WDFY1: variants seen among roughly 807,000 people sequenced by gnomAD.
WDFY1 encodes the protein WD repeat and FYVE domain containing 1, also known as WD repeat and FYVE domain-containing protein 1.
WDFY1 carries 32 observed loss-of-function variants against 56.4 expected under a neutral mutation model. The ratio of observed to expected loss-of-function variants is 0.57; its 90% CI spans 0.43 to 0.76. The LOEUF (loss-of-function observed/expected upper bound fraction) is 0.76. Among genes scored for constraint, WDFY1 ranks in the 30% least tolerant of loss-of-function variants. The pLI, the probability that WDFY1 is intolerant of heterozygous loss-of-function variation, is 0.00. For synonymous variants in WDFY1, 192 were observed against 197.3 expected, an observed-to-expected ratio of 0.97 and a Z score of 0.23; for missense variants, 480 against 545.7, an observed-to-expected ratio of 0.88 and a Z score of 1.20.
In WDFY1 at chr2:223,906,183, T is replaced by C. The variant is rs16865332; in HGVS notation, c.280-182A>G. 6.1e-3 allele frequency among the ~76,000 whole-genome samples: 934 copies of C among 152,338 alleles called. 9 individuals carry two copies. Among genetic ancestry groups the C allele is most frequent in the African/African-American group, 0.022 (897 of 41,588 alleles). ...CACCAGACCTGTCCTCAGGCCAACA[T>C]TGTTTGGGAGAACAGACCGAATTGA... On this transcript the variant is annotated intron_variant, in intron 3 of 11. Coordinates refer to ENST00000233055, the MANE Select transcript of WDFY1 (RefSeq NM_020830.5).
intron 1 of WDFY1, among the ~76,000 whole-genome samples, chr2:223,923,787 G>A (rs907059752): frequency 5.3e-5 from 8 of 152,006 alleles, no homozygotes; most frequent in South Asian, 4.1e-4. Context: ...TAAATAAACC[G>A]TCTAATCACT....
chr2:223,913,969 G>A (rs1693746328), intron 2 of WDFY1, among the ~76,000 whole-genome samples: 1 of 144,596 alleles, frequency 6.9e-6, no homozygotes, highest in Non-Finnish European at 1.5e-5. Context: ...AAGCAAAATA[G>A]GAATCATCTT....
intron 1 of WDFY1, among the ~76,000 whole-genome samples, chr2:223,941,827 C>T (rs1322606652): frequency 2.0e-5 from 3 of 152,192 alleles, no homozygotes; most frequent in East Asian, 3.8e-4. Flanking sequence ...GAACGTGACA[C>T]GTATTTATGA....
At chr2:223,939,761 C>A (rs542149666) in intron 1 of WDFY1, among the ~76,000 whole-genome samples, 1 of 152,192 alleles carries the variant, frequency 6.6e-6, no homozygotes, top group South Asian at 2.1e-4. Context: ...ATTATGGGAG[C>A]TACAATTCAA....
In WDFY1 at chr2:223,901,321, CG is replaced by C. The variant is rs777513978; in HGVS notation, c.346del (p.Arg116GlyfsTer14). On this transcript the variant is annotated frameshift_variant, in exon 5 of 12. Transcript: ENST00000233055. LOFTEE classifies it high-confidence loss of function. Reference protein sequence around the residue: ...FIKTYPAHQNRVSAIIFSLAT... With the variant: ...FIKTYPAHQNXVSAIIFSLAT... ...CAAGCTGAAGATAATCGCAGACACC[CG>C]GTTCTGATGAGCTGCAGGAACAGAA... The C allele has an allele frequency of 4.3e-6, 7 of 1,614,086 alleles. No individual in the cohort carries two copies. The highest frequency in any genetic ancestry group is 8.5e-7 in the Non-Finnish European group (1 of 1,179,980).
intron 3 of WDFY1, among the ~76,000 whole-genome samples, chr2:223,907,853 AT>A (rs933565405): frequency 1.2e-3 from 106 of 87,388 alleles, no homozygotes; most frequent in Middle Eastern, 0.012. Flanking sequence ...TGCTGCTGCT[AT>A]TTTTTTTTTT....
At chr2:223,889,628 C>T (rs1050249081) in intron 8 of WDFY1, among the ~76,000 whole-genome samples, 7 of 152,176 alleles carry the variant, frequency 4.6e-5, no homozygotes, top group Non-Finnish European at 7.4e-5. Flanking sequence ...ATGATTGTGA[C>T]GCCTCCCCAG....
chr2:223,933,961 CAA>C (rs368902455), intron 1 of WDFY1, among the ~76,000 whole-genome samples: 7 of 51,008 alleles, frequency 1.4e-4, no homozygotes, highest in Admixed American at 3.1e-4. Flanking sequence ...GACCCTGCCT[CAA>C]AAAAAAAAAA....
chr2:223,882,194 A>G, intron 9 of WDFY1, 122 bp from the exon 10 acceptor site: 1 of 1,287,254 alleles, frequency 7.8e-7, no homozygotes, highest in Non-Finnish European at 1.0e-6. Flanking sequence ...GGCTCACTGC[A>G]ACCTCTGGCG....
intron 1 of WDFY1, among the ~76,000 whole-genome samples, chr2:223,927,821 T>C (rs769486655): frequency 1.3e-5 from 2 of 152,192 alleles, no homozygotes; most frequent in Non-Finnish European, 2.9e-5. Flanking sequence ...GTTAGAGATA[T>C]GTGACTCTTC....
chr2:223,881,363 T>A (rs1693067741), intron 10 of WDFY1, among the ~76,000 whole-genome samples: 1 of 152,178 alleles, frequency 6.6e-6, no homozygotes. Context: ...GCTCAGGGTA[T>A]CCACTCAGTT....
chr2:223,895,737 C>T, intron 6 of WDFY1, 107 bp from the exon 7 acceptor site: 1 of 1,483,832 alleles, frequency 6.7e-7, no homozygotes, highest in South Asian at 1.3e-5. Flanking sequence ...CTAGGAGCAG[C>T]TGAGTCTTTA....
intron 3 of WDFY1, among the ~76,000 whole-genome samples, chr2:223,910,149 G>T (rs1445652428): frequency 6.7e-6 from 1 of 148,650 alleles, no homozygotes; most frequent in Non-Finnish European, 1.5e-5. Flanking sequence ...AAACTTAAAT[G>T]GGGGAAAAAA....
At chr2:223,937,948 A>G (rs1689226538) in intron 1 of WDFY1, among the ~76,000 whole-genome samples, 1 of 152,260 alleles carries the variant, frequency 6.6e-6, no homozygotes, top group Non-Finnish European at 1.5e-5. Context: ...CTATGTGAAC[A>G]ATTGGTAAAT....
At chr2:223,943,172 A>G in intron 1 of WDFY1, among the ~76,000 whole-genome samples, 1 of 129,268 alleles carries the variant, frequency 7.7e-6, no homozygotes, top group South Asian at 3.1e-4. Context: ...GTGACAGAGC[A>G]AGCCTCCATC....
At chr2:223,884,007 T>C (rs1228699534) in intron 9 of WDFY1, among the ~76,000 whole-genome samples, 1 of 150,882 alleles carries the variant, frequency 6.6e-6, no homozygotes, top group Non-Finnish European at 1.5e-5. Context: ...CAACCAATAA[T>C]AAAAGGAATA....
At chr2:223,909,075 T>C (rs1381841492) in intron 3 of WDFY1, among the ~76,000 whole-genome samples, 1 of 152,174 alleles carries the variant, frequency 6.6e-6, no homozygotes, top group Non-Finnish European at 1.5e-5. Context: ...ACCAGAAACC[T>C]GCTCCTGCTC....
intron 6 of WDFY1, 33 bp from the exon 7 acceptor site, chr2:223,895,663 G>C (rs1412587234): frequency 1.2e-6 from 2 of 1,611,530 alleles, no homozygotes; most frequent in South Asian, 2.2e-5. Flanking sequence ...GAGAGAGGGA[G>C]GCAGGGGAGA....
chr2:223,923,324 T>C (rs1693920924), intron 1 of WDFY1, among the ~76,000 whole-genome samples: 1 of 152,232 alleles, frequency 6.6e-6, no homozygotes, highest in Non-Finnish European at 1.5e-5. Flanking sequence ...CAAATGGTTG[T>C]AAAAATAGTT....
Sources: allele counts gnomAD v4.1 joint callset (sites outside exome capture counted in the v4.1 genomes callset), GRCh38; gene constraint gnomAD v4.1.1; transcripts MANE v1.5; gene names NCBI Gene and HGNC (gene_info 2026-07-23, HGNC 2026-07-21).